AGMO: variants seen among roughly 807,000 people sequenced by gnomAD.
AGMO encodes glyceryl-ether monooxygenase.
Under a neutral mutation model 60.2 loss-of-function variants are expected in AGMO, and 75 were observed. That is an observed-to-expected ratio of 1.25 (90% CI 1.03 to 1.51). The LOEUF (loss-of-function observed/expected upper bound fraction) is 1.51, where lower values mean the gene tolerates loss of function less well. Among genes scored for constraint, AGMO ranks in the 40% most tolerant of loss-of-function variants. The probability of loss-of-function intolerance (pLI) is 0.00; values close to 1 mark genes in which losing one functional copy is unlikely to be tolerated. For missense variants in AGMO, 763 were observed against 525.5 expected, an observed-to-expected ratio of 1.45 and a Z score of -4.42; for synonymous variants, 261 against 177.1, an observed-to-expected ratio of 1.47 and a Z score of -3.76.
intron 3 of AGMO, among the ~76,000 whole-genome samples, chr7:15,539,138 A>T (rs980761794): frequency 1.3e-5 from 2 of 151,928 alleles, no homozygotes; most frequent in Middle Eastern, 3.2e-3. Context: ...TATTATTATT[A>T]ATTTTATTAT....
intron 9 of AGMO, among the ~76,000 whole-genome samples, chr7:15,386,490 A>C (rs1016890985): frequency 4.6e-5 from 7 of 152,220 alleles, no homozygotes; most frequent in African/African-American, 1.7e-4. Context: ...AAATATAAAA[A>C]TTATTTCACC....
intron 3 of AGMO, among the ~76,000 whole-genome samples, chr7:15,471,615 T>C (rs1190451591): frequency 2.0e-5 from 3 of 151,882 alleles, no homozygotes; most frequent in Admixed American, 2.0e-4. Context: ...AGAAACAATG[T>C]TAGCTTTGTG....
chr7:15,354,436 GTATACACACGTGTGTGTA>G lies in AGMO; in HGVS notation c.1263+11060_1263+11077del, dbSNP rs1563105549. Among the ~76,000 whole-genome samples, 24 of 21,968 alleles carry G rather than the reference GTATACACACGTGTGTGTA, an allele frequency of 1.1e-3. 2 individuals carry two copies. The highest frequency in any genetic ancestry group is 2.7e-3 in the East Asian group (1 of 366). The allele number at this position is 21,968 out of a possible 152,430, so 14.4% of individuals were successfully genotyped here. On this transcript the variant is annotated intron_variant, in intron 12 of 12. Coordinates refer to ENST00000342526, the MANE Select transcript of AGMO (RefSeq NM_001004320.2). ...CGTGTGTGTATACACACACGTGTGT[GTATACACACGTGTGTGTA>G]TACACACGTGTGTGTATACACACGT...
At chr7:15,409,814 G>A (rs1784791805) in intron 5 of AGMO, among the ~76,000 whole-genome samples, 1 of 151,754 alleles carries the variant, frequency 6.6e-6, no homozygotes, top group African/African-American at 2.4e-5. Flanking sequence ...AGAATATGGA[G>A]TCTGACTACT....
intron 3 of AGMO, among the ~76,000 whole-genome samples, chr7:15,498,583 T>A (rs948036451): frequency 1.5e-4 from 23 of 151,920 alleles, no homozygotes; most frequent in African/African-American, 5.6e-4. Flanking sequence ...CTCCAGTCAA[T>A]TGGAAAATTA....
At chr7:15,436,943 A>C (rs1478698332) in intron 3 of AGMO, among the ~76,000 whole-genome samples, 2 of 152,298 alleles carry the variant, frequency 1.3e-5, no homozygotes, top group African/African-American at 2.4e-5. Context: ...TAAAATATTA[A>C]GTTTTTAAGT....
chr7:15,398,398 T>A (rs1199498370), intron 5 of AGMO, among the ~76,000 whole-genome samples: 1 of 152,104 alleles, frequency 6.6e-6, no homozygotes. Flanking sequence ...TACAACACAG[T>A]CAACCACAGA....
intron 3 of AGMO, among the ~76,000 whole-genome samples, chr7:15,432,884 G>A (rs1279081117): frequency 1.3e-5 from 2 of 151,872 alleles, no homozygotes; most frequent in Admixed American, 6.6e-5. Context: ...AGACCCTTGT[G>A]GCACTTTATA....
chr7:15,314,167 C>T (rs1386713527), intron 12 of AGMO, among the ~76,000 whole-genome samples: 1 of 151,980 alleles, frequency 6.6e-6, no homozygotes, highest in Non-Finnish European at 1.5e-5. Flanking sequence ...AGGTGATTTA[C>T]ATCCGGGGTG....
At chr7:15,548,146 C>A (rs956268425) in intron 2 of AGMO, among the ~76,000 whole-genome samples, 4 of 152,032 alleles carry the variant, frequency 2.6e-5, no homozygotes, top group African/African-American at 4.8e-5. Context: ...AAAGGACATC[C>A]ACATCAAAAA....
intron 3 of AGMO, among the ~76,000 whole-genome samples, chr7:15,498,983 A>G (rs1783307751): frequency 6.6e-6 from 1 of 152,000 alleles, no homozygotes; most frequent in Non-Finnish European, 1.5e-5. Flanking sequence ...CAGGAGATAT[A>G]CATGCTGAGA....
At chr7:15,167,628 C>A in the AGMO span, among the ~76,000 whole-genome samples, 1 of 152,132 alleles carries the variant, frequency 6.6e-6, no homozygotes, top group Non-Finnish European at 1.5e-5. Flanking sequence ...AAAGTTCGCA[C>A]CTATCTAAGA....
At chr7:15,382,933 G>A (rs1783753546) in intron 10 of AGMO, among the ~76,000 whole-genome samples, 1 of 151,276 alleles carries the variant, frequency 6.6e-6, no homozygotes, top group Admixed American at 6.6e-5. Context: ...TTGTTATATA[G>A]ATGTAACATT....
chr7:15,510,965 G>T (rs1783657117), intron 3 of AGMO, among the ~76,000 whole-genome samples: 1 of 149,942 alleles, frequency 6.7e-6, no homozygotes, highest in Non-Finnish European at 1.5e-5. Flanking sequence ...AGTTCCTATG[G>T]CTTATTTCTG....
chr7:15,293,721 T>C (rs560256933), intron 12 of AGMO, among the ~76,000 whole-genome samples: 2 of 152,320 alleles, frequency 1.3e-5, no homozygotes, highest in African/African-American at 4.8e-5. Context: ...CTTTGTATTT[T>C]TGTGTGGTTA....
intron 12 of AGMO, among the ~76,000 whole-genome samples, chr7:15,297,041 C>G (rs1040979905): frequency 6.7e-6 from 1 of 148,604 alleles, no homozygotes; most frequent in African/African-American, 2.5e-5. Flanking sequence ...TACCACCTAG[C>G]CATCTCTCTC....
At chr7:15,393,528 T>C (rs1485803277) in intron 6 of AGMO, among the ~76,000 whole-genome samples, 3 of 152,234 alleles carry the variant, frequency 2.0e-5, no homozygotes, top group Admixed American at 6.5e-5. Context: ...AATGATGATA[T>C]GCACATTGCT....
the AGMO span, among the ~76,000 whole-genome samples, chr7:15,120,748 T>C: frequency 1.5e-5 from 2 of 130,950 alleles, no homozygotes; most frequent in Non-Finnish European, 3.6e-5. Flanking sequence ...GCTAAGATAA[T>C]ATATTTCTTT....
At position 15,322,683 on chromosome 7, in the gene AGMO, TA is replaced by T. The variant is rs1781197312; in HGVS notation, c.1263+42830del. 3.7e-5 allele frequency among the ~76,000 whole-genome samples: 3 copies of T among 80,154 alleles called. 1 individual carries two copies. The highest frequency in any genetic ancestry group is 2.2e-4 in the African/African-American group (3 of 13,444). The allele number at this position is 80,154 out of a possible 152,430, so 52.6% of individuals were successfully genotyped here. On this transcript the variant is annotated intron_variant, in intron 12 of 12. Coordinates refer to ENST00000342526, the MANE Select transcript of AGMO (RefSeq NM_001004320.2). ...ATAAATATATATAAATATATGTATA[TA>T]TAAATATATGAATATGTATAAATAT...
Sources: gnomAD v4.1 joint callset for allele counts (sites outside exome capture counted in the v4.1 genomes callset) on GRCh38, gnomAD v4.1.1 for gene constraint, MANE v1.5 for transcripts, NCBI Gene and HGNC (gene_info 2026-07-23, HGNC 2026-07-21) for gene names.